The following FRMD5 variants were observed in gnomAD, a reference collection of about 807,000 sequenced individuals.
FRMD5 encodes the protein FERM domain containing 5.
A neutral mutation model predicts 69.0 loss-of-function variants in FRMD5; 20 were observed. That is an observed-to-expected ratio of 0.29 (90% CI 0.20 to 0.42). FRMD5 has a LOEUF of 0.42. Among genes scored for constraint, FRMD5 ranks in the 10% least tolerant of loss-of-function variants. FRMD5 has a pLI of 1.00. For synonymous variants in FRMD5, 271 were observed against 260.1 expected (o/e 1.04, Z -0.40); for missense variants, 595 against 708.6 (o/e 0.84, Z 1.82).
At chr15:43,964,447 C>T (rs938640178) in intron 1 of FRMD5, among the ~76,000 whole-genome samples, 27 of 150,710 alleles carry the variant, frequency 1.8e-4, no homozygotes, top group African/African-American at 5.9e-4. Context: ...TGCCACTGCA[C>T]TCCAGCCTGG....
At chr15:43,976,664 A>C (rs986681895) in intron 1 of FRMD5, among the ~76,000 whole-genome samples, 8 of 152,096 alleles carry the variant, frequency 5.3e-5, no homozygotes, top group African/African-American at 1.9e-4. Context: ...TTTATACTAA[A>C]GTTTCTTTTT....
chr15:44,005,361 C>T (rs1327141098), intron 1 of FRMD5, among the ~76,000 whole-genome samples: 1 of 150,288 alleles, frequency 6.7e-6, no homozygotes, highest in African/African-American at 2.4e-5. Context: ...ATCCCAGCTA[C>T]TCGGGATGCT....
chr15:44,115,630 A>C (rs1286809454), intron 1 of FRMD5, among the ~76,000 whole-genome samples: 1 of 152,208 alleles, frequency 6.6e-6, no homozygotes, highest in Non-Finnish European at 1.5e-5. Context: ...TTCCATCCTA[A>C]ATCCAGTAAA....
At chr15:43,906,574 G>C (rs371469029) in intron 5 of FRMD5, among the ~76,000 whole-genome samples, 1 of 152,002 alleles carries the variant, frequency 6.6e-6, no homozygotes, top group Non-Finnish European at 1.5e-5. Context: ...AGAAAGTATC[G>C]TTGAGTTCAG....
intron 1 of FRMD5, among the ~76,000 whole-genome samples, chr15:44,076,665 C>T (rs989238061): frequency 6.8e-6 from 1 of 147,190 alleles, no homozygotes; most frequent in Non-Finnish European, 1.5e-5. Context: ...GGAGATATAC[C>T]TAATGCTAGA....
chr15:44,194,735 A>C, intron 1 of FRMD5: 1 of 647,746 alleles, frequency 1.5e-6, no homozygotes, highest in Non-Finnish European at 2.8e-6. Context: ...GGACGCGGAG[A>C]CTCGCCCCGC....
chr15:43,876,082 T>C, intron 13 of FRMD5: 6 of 1,320,226 alleles, frequency 4.5e-6, no homozygotes, highest in Middle Eastern at 2.5e-4. Context: ...AACTTTTCCA[T>C]GGCTTCCATG....
chr15:44,087,024 C>T (rs907376338), intron 1 of FRMD5, among the ~76,000 whole-genome samples: 2 of 152,044 alleles, frequency 1.3e-5, no homozygotes, highest in Non-Finnish European at 2.9e-5. Flanking sequence ...GTAGTCTCTG[C>T]CCTTACCAGT....
At chr15:43,967,890 T>C (rs1170426585) in intron 1 of FRMD5, among the ~76,000 whole-genome samples, 1 of 152,050 alleles carries the variant, frequency 6.6e-6, no homozygotes, top group Non-Finnish European at 1.5e-5. Flanking sequence ...ATGTATTAGG[T>C]ATTTGTCCTA....
intron 2 of FRMD5, 79 bp from the exon 3 acceptor site, chr15:43,919,888 A>G: frequency 7.6e-7 from 1 of 1,321,042 alleles, no homozygotes; most frequent in East Asian, 2.3e-5. Flanking sequence ...AACTTAAAAA[A>G]CTAGACAGAT....
intron 1 of FRMD5, among the ~76,000 whole-genome samples, chr15:44,128,309 G>C (rs147189905): frequency 0.018 from 2,685 of 152,168 alleles, 86 homozygotes; most frequent in African/African-American, 0.062. Flanking sequence ...GCGAAACCCT[G>C]TCTCTACCAG....
intron 1 of FRMD5, among the ~76,000 whole-genome samples, chr15:44,188,696 T>A (rs2078143199): frequency 6.6e-6 from 1 of 152,270 alleles, no homozygotes; most frequent in Non-Finnish European, 1.5e-5. Flanking sequence ...GGCCTCACAA[T>A]TTCTACTGAA....
intron 1 of FRMD5, among the ~76,000 whole-genome samples, chr15:44,043,811 C>A (rs1167252209): frequency 6.6e-6 from 1 of 152,132 alleles, no homozygotes; most frequent in Non-Finnish European, 1.5e-5. Flanking sequence ...AGACCTAAAA[C>A]CATAAAAACC....
intron 1 of FRMD5, among the ~76,000 whole-genome samples, chr15:43,976,650 C>T (rs758867551): frequency 6.6e-5 from 10 of 152,036 alleles, no homozygotes; most frequent in East Asian, 1.9e-4. Flanking sequence ...TACAAGCTGA[C>T]GTTTTTATAC....
intron 1 of FRMD5, among the ~76,000 whole-genome samples, chr15:43,959,621 A>C (rs2090165454): frequency 6.6e-6 from 1 of 152,202 alleles, no homozygotes; most frequent in African/African-American, 2.4e-5. Flanking sequence ...AGACCAGATG[A>C]TTACCAAAGT....
chr15:44,036,331 C>G (rs770743134), intron 1 of FRMD5, among the ~76,000 whole-genome samples: 1 of 151,962 alleles, frequency 6.6e-6, no homozygotes. Context: ...CACGCACCTG[C>G]TCAACATTCT....
At chr15:43,920,222 T>A (rs945809732) in intron 2 of FRMD5, among the ~76,000 whole-genome samples, 1 of 152,224 alleles carries the variant, frequency 6.6e-6, no homozygotes, top group Non-Finnish European at 1.5e-5. Flanking sequence ...AGCTTTTTTT[T>A]TCTTCTTTTT....
chr15:43,879,324 G>A (rs1170776882), intron 13 of FRMD5, among the ~76,000 whole-genome samples: 1 of 152,166 alleles, frequency 6.6e-6, no homozygotes, highest in African/African-American at 2.4e-5. Flanking sequence ...GATCTCACCT[G>A]TAAGGTGACC....
chr15:44,111,258 C>T lies in FRMD5; in HGVS notation c.102+83695G>A, dbSNP rs2076791404. ...AACAGGGACAGTGCCAGATTCAATG[C>T]TTAGCTAATTTTTTCTTGAACAGAC... On this transcript the variant is annotated intron_variant, in intron 1 of 13. Coordinates refer to ENST00000417257, the MANE Select transcript of FRMD5 (RefSeq NM_032892.5). Among the ~76,000 whole-genome samples the T allele has an allele frequency of 1.3e-5, 2 of 152,146 alleles. 1 individual carries two copies. The highest frequency in any genetic ancestry group is 4.1e-4 in the South Asian group (2 of 4,828).
Sources: gnomAD v4.1 joint callset for allele counts (sites outside exome capture counted in the v4.1 genomes callset) on GRCh38, gnomAD v4.1.1 for gene constraint, MANE v1.5 for transcripts, NCBI Gene and HGNC (gene_info 2026-07-23, HGNC 2026-07-21) for gene names.